The following RANBP10 variants were observed in gnomAD, a reference collection of about 807,000 sequenced individuals.
RANBP10 encodes ran-binding protein 10.
In RANBP10, 24 loss-of-function variants were observed where a neutral mutation model predicts 72.8. The ratio of observed to expected loss-of-function variants is 0.33; its 90% CI spans 0.24 to 0.46. The LOEUF (loss-of-function observed/expected upper bound fraction) is 0.46. Ranked by LOEUF, RANBP10 falls within the 20% of genes least tolerant of loss-of-function variation. The pLI, the probability that RANBP10 is intolerant of heterozygous loss-of-function variation, is 1.00. For synonymous variants in RANBP10, 310 were observed against 322.3 expected (o/e 0.96, Z 0.41); for missense variants, 679 against 817.5 (o/e 0.83, Z 2.07).
In RANBP10 at chr16:67,729,024, TGGA is replaced by T. The variant is rs2053667377; in HGVS notation, c.1352+253_1352+255del. On this transcript the variant is annotated intron_variant, in intron 10 of 13. Transcript: ENST00000317506. This position sits in a 1 kb window ranked among gnomAD's most constrained non-coding sequence, Gnocchi z 7.1. Reference sequence around the variant, plus strand: ...AGGGTTCTCACAGGCCCGGCCTCTTTGGAGGAGACCACATCCTCAGCCTGGCAT... The same window carrying T: ...AGGGTTCTCACAGGCCCGGCCTCTTTGGAGACCACATCCTCAGCCTGGCAT... Among the ~76,000 whole-genome samples the T allele has an allele frequency of 1.3e-5, 2 of 152,242 alleles. No individual in the cohort carries two copies. Among genetic ancestry groups the T allele is most frequent in the African/African-American group, 2.4e-5 (1 of 41,468 alleles).
At chr16:67,792,390 TA>T (rs925064437) in intron 2 of RANBP10, among the ~76,000 whole-genome samples, 7 of 147,954 alleles carry the variant, frequency 4.7e-5, no homozygotes, top group African/African-American at 5.0e-5. Context: ...CCATCTCTAC[TA>T]AAAAAAAATA....
intron 3 of RANBP10, among the ~76,000 whole-genome samples, chr16:67,768,254 C>G (rs1468493321): frequency 6.6e-6 from 1 of 151,544 alleles, no homozygotes; most frequent in African/African-American, 2.4e-5. Context: ...GGCGTGGTGC[C>G]TCACGTTGTA....
intron 3 of RANBP10, among the ~76,000 whole-genome samples, chr16:67,749,956 T>C (rs1005212541): frequency 1.3e-5 from 2 of 152,174 alleles, no homozygotes; most frequent in South Asian, 2.1e-4. Flanking sequence ...CCAGCCACAA[T>C]AGCCCTCCTC....
chr16:67,730,105 C>T lies in RANBP10; in HGVS notation c.890-59G>A. The T allele has an allele frequency of 8.0e-6, 12 of 1,492,780 alleles. No individual in the cohort carries two copies. Among genetic ancestry groups the T allele is most frequent in the Non-Finnish European group, 1.0e-5 (11 of 1,083,248 alleles). The allele number at this position is 1,492,780 out of a possible 1,614,324, so 92.5% of individuals were successfully genotyped here. On this transcript the variant is annotated intron_variant, in intron 7 of 13. Coordinates refer to ENST00000317506, the MANE Select transcript of RANBP10 (RefSeq NM_020850.3). This position sits in a 1 kb window ranked among gnomAD's most constrained non-coding sequence, Gnocchi z 4.3. ...GCTACAGGCCTCTCCCACAGCCACA[C>T]ACCTGGGATGCTGCCAGCCTCAGGG...
intron 4 of RANBP10, among the ~76,000 whole-genome samples, chr16:67,743,400 G>A (rs2054007044): frequency 6.6e-6 from 1 of 152,074 alleles, no homozygotes; most frequent in South Asian, 2.1e-4. Flanking sequence ...GGCAGACCAG[G>A]CTGTTAGTCA....
intron 3 of RANBP10, among the ~76,000 whole-genome samples, chr16:67,763,671 A>T (rs1407404400): frequency 8.6e-5 from 7 of 81,644 alleles, no homozygotes; most frequent in African/African-American, 1.8e-4. Context: ...CCACCCCCAT[A>T]ACCCACTTCA....
Position 67,752,001 on chromosome 16 carries a change from T to C in RANBP10, c.401-7546A>G, listed in dbSNP as rs141627962. ...TCAATTAAAAAAAAAAAAGAATCAA[T>C]TCAGGATTCACCATCACCTCAGTTT... On this transcript the variant is annotated intron_variant, in intron 3 of 13. Transcript: ENST00000317506. 1.9e-3 allele frequency among the ~76,000 whole-genome samples: 288 copies of C among 151,928 alleles called. 1 individual carries two copies. Among genetic ancestry groups the C allele is most frequent in the African/African-American group, 6.6e-3 (273 of 41,426 alleles).
chr16:67,775,868 G>A (rs1028227032), intron 2 of RANBP10, among the ~76,000 whole-genome samples: 10 of 151,528 alleles, frequency 6.6e-5, no homozygotes, highest in South Asian at 2.1e-4. Context: ...AAAACTTGCC[G>A]GGCGCGGTGG....
chr16:67,730,087 G>C lies in RANBP10; in HGVS notation c.890-41C>G. On this transcript the variant is annotated intron_variant, in intron 7 of 13. Coordinates refer to ENST00000317506, the MANE Select transcript of RANBP10 (RefSeq NM_020850.3). The surrounding 1 kb of genome is among the most constrained non-coding windows in gnomAD (Gnocchi z 4.3). Reference sequence around the variant, plus strand: ...ACACAGCAGTGAGCGAGGGCTACAGGCCTCTCCCACAGCCACACACCTGGG... The same window carrying C: ...ACACAGCAGTGAGCGAGGGCTACAGCCCTCTCCCACAGCCACACACCTGGG... The C allele has an allele frequency of 6.4e-7, 1 of 1,570,872 alleles. No homozygotes were observed. Among genetic ancestry groups the C allele is most frequent in the Non-Finnish European group, 8.7e-7 (1 of 1,150,164 alleles).
intron 2 of RANBP10, among the ~76,000 whole-genome samples, chr16:67,790,848 C>T (rs1000791061): frequency 2.0e-5 from 3 of 149,802 alleles, no homozygotes; most frequent in Non-Finnish European, 3.0e-5. Context: ...TACAGGCACT[C>T]GCCACCATGC....
intron 3 of RANBP10, among the ~76,000 whole-genome samples, chr16:67,770,771 G>A (rs1597885285): frequency 6.6e-6 from 1 of 152,230 alleles, no homozygotes; most frequent in South Asian, 2.1e-4. Flanking sequence ...GCCAGGTGTG[G>A]TAGCACATGC....
intron 3 of RANBP10, among the ~76,000 whole-genome samples, chr16:67,748,652 C>T (rs1042485134): frequency 6.6e-6 from 1 of 152,150 alleles, no homozygotes; most frequent in Admixed American, 6.5e-5. Flanking sequence ...AATTCTCCCA[C>T]CTCTGCACCA....
chr16:67,759,997 C>T (rs2054364244), intron 3 of RANBP10, among the ~76,000 whole-genome samples: 1 of 151,360 alleles, frequency 6.6e-6, no homozygotes, highest in South Asian at 2.1e-4. Flanking sequence ...CTACTCGGGA[C>T]GCTGAAGCAG....
At position 67,729,724 on chromosome 16, in the gene RANBP10, A is replaced by C; in HGVS notation, c.1103T>G (p.Leu368Arg). The part of the protein sequence containing the change: ...SQDSYPGSPS[L>R]SPRHGPSSSH... Reference sequence around the variant, plus strand: ...ACTACTGGGGCCATGTCGGGGACTGAGGCTGGGGGAGCCAGGGTAGCTGTC... The same window carrying C: ...ACTACTGGGGCCATGTCGGGGACTGCGGCTGGGGGAGCCAGGGTAGCTGTC... Residue 368 changes from leucine (L) to arginine (R), a missense_variant, in exon 9 of 14, where the codon CTC becomes CGC. Transcript: ENST00000317506. This position sits in a 1 kb window ranked among gnomAD's most constrained non-coding sequence, Gnocchi z 7.1. The C allele has an allele frequency of 6.2e-7, 1 of 1,613,950 alleles. No individual in the cohort carries two copies. Among genetic ancestry groups the C allele is most frequent in the Non-Finnish European group, 8.5e-7 (1 of 1,179,950 alleles).
intron 2 of RANBP10, among the ~76,000 whole-genome samples, chr16:67,774,515 T>C (rs1235203602): frequency 2.0e-5 from 3 of 152,220 alleles, no homozygotes; most frequent in African/African-American, 4.8e-5. Flanking sequence ...ACAGGTAAGA[T>C]GGTGTTTATT....
chr16:67,741,832 G>A (rs965079028), intron 4 of RANBP10, among the ~76,000 whole-genome samples: 2 of 152,302 alleles, frequency 1.3e-5, no homozygotes, highest in Admixed American at 6.5e-5. Flanking sequence ...ACATCATTCC[G>A]CTGCTGTAAA....
Position 67,738,014 on chromosome 16 carries a change from G to A in RANBP10, c.590C>T (p.Pro197Leu), listed in dbSNP as rs201662330. ...GGAAGACTCAATAGTAGTACTCACCGGGAGGTCTGTGAAGGCTATACCTGT... is the reference window on the plus strand; with the variant it reads ...GGAAGACTCAATAGTAGTACTCACCAGGAGGTCTGTGAAGGCTATACCTGT... ...HSLGIAFTDL[P>L]ANLYPTVGLQ... Residue 197 changes from proline to leucine, a missense_variant and splice_region_variant, in exon 5 of 14, where the codon CCG becomes CTG. Physicochemically the swap from Pro to Leu is moderately conservative, Grantham distance 98. Coordinates refer to ENST00000317506, the MANE Select transcript of RANBP10 (RefSeq NM_020850.3). 107 of 1,589,914 alleles carry A rather than the reference G, an allele frequency of 6.7e-5. No homozygotes were observed. Among genetic ancestry groups the A allele is most frequent in the African/African-American group, 1.1e-4 (8 of 74,442 alleles).
intron 2 of RANBP10, among the ~76,000 whole-genome samples, chr16:67,790,919 C>G (rs1652675128): frequency 6.6e-6 from 1 of 150,610 alleles, no homozygotes; most frequent in Non-Finnish European, 1.5e-5. Context: ...AGGCTGGTCT[C>G]AAACTCTTGA....
At chr16:67,768,523 AAAAAATAAAAAT>A (rs200140407) in intron 3 of RANBP10, among the ~76,000 whole-genome samples, 10,681 of 151,618 alleles carry the variant, frequency 0.07, 539 homozygotes, top group Middle Eastern at 0.19. Context: ...TCTGTCTCAA[AAAAAATAAAAAT>A]AAAAATAAAA....
Sources: allele counts gnomAD v4.1 joint callset (sites outside exome capture counted in the v4.1 genomes callset), GRCh38; gene constraint gnomAD v4.1.1; non-coding constraint Gnocchi (gnomAD v3.1); transcripts MANE v1.5; gene names NCBI Gene and HGNC (gene_info 2026-07-23, HGNC 2026-07-21).